Variants in GC observed in about 807,000 individuals in gnomAD.
GC encodes vitamin D-binding protein.
A neutral mutation model predicts 56.7 loss-of-function variants in GC; 43 were observed. The observed-to-expected ratio is 0.76, with a 90% CI of 0.59 to 0.98. The LOEUF (loss-of-function observed/expected upper bound fraction) is 0.98, where lower values mean the gene tolerates loss of function less well. Among genes scored for constraint, GC ranks in the 50% least tolerant of loss-of-function variants. The pLI is 0.00. For synonymous variants in GC, 216 were observed against 202.7 expected (o/e 1.07, Z -0.56); for missense variants, 529 against 545.9 (o/e 0.97, Z 0.31).
At chr4:71,799,156 G>T (rs2149310945) in intron 1 of GC, among the ~76,000 whole-genome samples, 1 of 152,254 alleles carries the variant, frequency 6.6e-6, no homozygotes, top group Middle Eastern at 3.4e-3. Flanking sequence ...TCAAGTCTCT[G>T]GAAGTGGTTC....
intron 11 of GC, 137 bp from the exon 12 acceptor site, chr4:71,746,342 AG>A: frequency 1.9e-6 from 1 of 530,728 alleles, no homozygotes; most frequent in Non-Finnish European, 3.5e-6. Flanking sequence ...GTTACATTGC[AG>A]TTTTTTATTA....
chr4:71,786,555 T>G (rs573515759), upstream of GC, among the ~76,000 whole-genome samples: 3 of 151,774 alleles, frequency 2.0e-5, no homozygotes, highest in African/African-American at 7.2e-5. Context: ...TGTAAAAAAC[T>G]GATTTGAAGT....
Position 71,756,830 on chromosome 4 carries a change from T to C in GC, c.916A>G (p.Met306Val). The C allele has an allele frequency of 6.2e-7, 1 of 1,613,212 alleles. No individual in the cohort carries two copies. Among genetic ancestry groups the C allele is most frequent in the South Asian group, 1.1e-5 (1 of 91,064 alleles). The change falls in exon 8 of 13, where the codon ATG becomes GTG. Residue 306 changes from methionine to valine, a missense_variant. Coordinates refer to ENST00000273951, the MANE Select transcript of GC (RefSeq NM_000583.4). Reference protein sequence around the residue: ...FEDCCQEKTAMDVFVCTYFMP... With the variant: ...FEDCCQEKTAVDVFVCTYFMP... ...AAGTAAGTGCACACAAAAACGTCCATGGCTGTTTTTTCTTGACAACAGTCT... is the reference window on the plus strand; with the variant it reads ...AAGTAAGTGCACACAAAAACGTCCACGGCTGTTTTTTCTTGACAACAGTCT...
At chr4:71,753,669 CTTAA>C (rs1741627531) in intron 10 of GC, among the ~76,000 whole-genome samples, 1 of 151,970 alleles carries the variant, frequency 6.6e-6, no homozygotes, top group Non-Finnish European at 1.5e-5. Flanking sequence ...TTTTCCTTCT[CTTAA>C]TTGAGAAAAA....
At chr4:71,799,185 G>T (rs1490209783) in intron 1 of GC, among the ~76,000 whole-genome samples, 1 of 152,152 alleles carries the variant, frequency 6.6e-6, no homozygotes, top group Non-Finnish European at 1.5e-5. Context: ...TATAGCAAAT[G>T]AAGCATTTAC....
intron 2 of GC, 145 bp downstream of exon 2, chr4:71,769,186 C>T (rs1217975542): frequency 1.7e-6 from 1 of 602,570 alleles, no homozygotes; most frequent in African/African-American, 1.9e-5. Flanking sequence ...TGCTTGACTC[C>T]TGTGCCTACC....
Position 71,758,176 on chromosome 4 carries a change from A to T in GC, c.702-5T>A. ...TGGGCTAACTTTATGAGATTGCTAA[A>T]CAGTTAAAAATAAATATGTTAGCTT... is the stretch of plus-strand genomic sequence containing the variant. On this transcript the variant is annotated splice_region_variant and splice_polypyrimidine_tract_variant and intron_variant, in intron 6 of 12. Transcript: ENST00000273951. The T allele has an allele frequency of 6.2e-7, 1 of 1,610,662 alleles. No individual in the cohort carries two copies. The highest frequency in any genetic ancestry group is 2.2e-5 in the East Asian group (1 of 44,850).
intron 11 of GC, 55 bp from the exon 12 acceptor site, chr4:71,746,260 A>G: frequency 1.2e-6 from 1 of 819,242 alleles, no homozygotes; most frequent in East Asian, 2.5e-5. Flanking sequence ...TTTGTAGGCT[A>G]CTAGATCATG....
At chr4:71,761,557 G>A (rs1490163906) in intron 6 of GC, among the ~76,000 whole-genome samples, 1 of 152,186 alleles carries the variant, frequency 6.6e-6, no homozygotes, top group Non-Finnish European at 1.5e-5. Context: ...TACAATGGGG[G>A]AAAATGTATC....
At chr4:71,800,469 T>C (rs889568635) in intron 1 of GC, among the ~76,000 whole-genome samples, 1 of 152,232 alleles carries the variant, frequency 6.6e-6, no homozygotes, top group African/African-American at 2.4e-5. Flanking sequence ...CTTTTCTTTA[T>C]GCAGTCTGTC....
At chr4:71,752,360 G>C (rs1477482128) in intron 11 of GC, among the ~76,000 whole-genome samples, 158 bp downstream of exon 11, 1 of 152,148 alleles carries the variant, frequency 6.6e-6, no homozygotes, top group African/African-American at 2.4e-5. Flanking sequence ...AATCAGTTAT[G>C]TTTCTTACTT....
At chr4:71,803,592 A>G (rs1428503813) in intron 1 of GC, among the ~76,000 whole-genome samples, 7 of 152,184 alleles carry the variant, frequency 4.6e-5, no homozygotes, top group Non-Finnish European at 8.8e-5. Flanking sequence ...CTGGTATTCT[A>G]TGTATTATTT....
intron 1 of GC, among the ~76,000 whole-genome samples, chr4:71,802,869 A>T (rs1743283649): frequency 1.3e-5 from 2 of 152,232 alleles, no homozygotes; most frequent in Admixed American, 6.5e-5. Context: ...TTTGGACTTA[A>T]TGATATAATC....
At chr4:71,768,070 A>G (rs943537708) in intron 3 of GC, among the ~76,000 whole-genome samples, 1 of 152,192 alleles carries the variant, frequency 6.6e-6, no homozygotes, top group African/African-American at 2.4e-5. Context: ...TTAATAAATC[A>G]CTAAATTACT....
At chr4:71,804,228 G>A (rs557762666), upstream of GC, among the ~76,000 whole-genome samples, 10 of 152,318 alleles carry the variant, frequency 6.6e-5, no homozygotes, top group South Asian at 4.1e-4. Flanking sequence ...AGAATGAGCC[G>A]TCCTGAACAG....
intron 6 of GC, 55 bp downstream of exon 6, chr4:71,763,353 G>A: frequency 4.6e-6 from 4 of 878,186 alleles, no homozygotes; most frequent in South Asian, 1.5e-5. Context: ...CTAATATTAT[G>A]GATAGACAGT....
rs112722325 is a variant in GC at position 71,795,752 on chromosome 4, C to T, written c.21+8174G>A. On this transcript the variant is annotated intron_variant, in intron 1 of 13. Transcript: ENST00000504199. ...AATTGATACAGTTTCTTCCTAGCAT[C>T]TATGGGCTTTACAATTTGGCATGTT... Among the ~76,000 whole-genome samples, 26 of 152,294 alleles carry T rather than the reference C, an allele frequency of 1.7e-4. 2 individuals carry two copies. The highest frequency in any genetic ancestry group is 6.3e-4 in the African/African-American group (26 of 41,570).
At chr4:71,799,519 T>G (rs1485473341) in intron 1 of GC, among the ~76,000 whole-genome samples, 1 of 152,194 alleles carries the variant, frequency 6.6e-6, no homozygotes, top group African/African-American at 2.4e-5. Context: ...AAATCCTGAT[T>G]GCTCTTGCTT....
chr4:71,743,330 C>T (rs1741250102), intron 12 of GC, among the ~76,000 whole-genome samples: 2 of 152,166 alleles, frequency 1.3e-5, no homozygotes, highest in Non-Finnish European at 2.9e-5. Flanking sequence ...AACTGCTTCA[C>T]TCTAAACAAT....
Sources: allele counts gnomAD v4.1 joint callset (sites outside exome capture counted in the v4.1 genomes callset), GRCh38; gene constraint gnomAD v4.1.1; transcripts MANE v1.5; gene names NCBI Gene and HGNC (gene_info 2026-07-23, HGNC 2026-07-21).